Variants in CDH12 observed in about 807,000 individuals in gnomAD.
The protein encoded by CDH12 is cadherin 12.
CDH12 carries 41 observed loss-of-function variants against 74.1 expected under a neutral mutation model. The ratio of observed to expected loss-of-function variants is 0.55; its 90% CI spans 0.43 to 0.72. CDH12 has a LOEUF of 0.72. Ranked by LOEUF, CDH12 falls within the 30% of genes least tolerant of loss-of-function variation. The pLI is 0.00. For missense variants in CDH12, 945 were observed against 977.2 expected (o/e 0.97, Z 0.44); for synonymous variants, 399 against 355.0 (o/e 1.12, Z -1.39).
At chr5:22,839,135 T>C (rs898830372) in intron 1 of CDH12, among the ~76,000 whole-genome samples, 1 of 152,186 alleles carries the variant, frequency 6.6e-6, no homozygotes. Flanking sequence ...GCATAGATTT[T>C]TTTGTAGGAC....
chr5:21,979,159 C>T (rs1580059590), intron 5 of CDH12, among the ~76,000 whole-genome samples: 1 of 149,824 alleles, frequency 6.7e-6, no homozygotes, highest in Non-Finnish European at 1.5e-5. Context: ...CCATTTAAAA[C>T]TAACAGCTAG....
chr5:21,779,685 T>C (rs1055654254), intron 11 of CDH12, among the ~76,000 whole-genome samples: 1 of 152,228 alleles, frequency 6.6e-6, no homozygotes, highest in South Asian at 2.1e-4. Flanking sequence ...AAACATATGC[T>C]AGTTCAATTT....
chr5:21,856,571 G>A (rs928791512), intron 6 of CDH12, among the ~76,000 whole-genome samples: 3 of 151,456 alleles, frequency 2.0e-5, no homozygotes, highest in Non-Finnish European at 4.4e-5. Context: ...ATTTATAGTC[G>A]GGAAAATAAA....
chr5:22,492,648 G>A (rs986418069), intron 2 of CDH12, among the ~76,000 whole-genome samples: 9 of 151,998 alleles, frequency 5.9e-5, no homozygotes, highest in Admixed American at 1.3e-4. Context: ...CATCCAGCCT[G>A]ATTTTTCATT....
At chr5:22,112,510 G>T (rs1744873167) in intron 4 of CDH12, among the ~76,000 whole-genome samples, 2 of 152,042 alleles carry the variant, frequency 1.3e-5, no homozygotes, top group African/African-American at 4.8e-5. Context: ...AAACTAAAAG[G>T]TCAGTAGAGT....
At chr5:22,171,692 G>C (rs1749039740) in intron 4 of CDH12, among the ~76,000 whole-genome samples, 2 of 151,960 alleles carry the variant, frequency 1.3e-5, no homozygotes, top group Non-Finnish European at 2.9e-5. Flanking sequence ...GTAAGTGGTA[G>C]GGTCAGAACT....
chr5:22,621,481 GA>G (rs5866581), intron 1 of CDH12, among the ~76,000 whole-genome samples: 1 of 151,760 alleles, frequency 6.6e-6, no homozygotes, highest in Admixed American at 6.6e-5. Flanking sequence ...AAAAATCTTA[GA>G]AAAAAATTCT....
At chr5:21,942,907 G>A (rs1295302753) in intron 6 of CDH12, among the ~76,000 whole-genome samples, 1 of 152,148 alleles carries the variant, frequency 6.6e-6, no homozygotes, top group Non-Finnish European at 1.5e-5. Context: ...GCTCTGTGCT[G>A]TCACCCAAAT....
intron 8 of CDH12, among the ~76,000 whole-genome samples, chr5:21,820,616 AT>A (rs1432035779): frequency 6.6e-6 from 1 of 152,052 alleles, no homozygotes; most frequent in Non-Finnish European, 1.5e-5. Flanking sequence ...ACAGCTGGTA[AT>A]AAAGTCTGCA....
intron 4 of CDH12, among the ~76,000 whole-genome samples, chr5:22,085,025 GTAT>G (rs1742973209): frequency 6.6e-6 from 1 of 152,138 alleles, no homozygotes; most frequent in Admixed American, 6.6e-5. Context: ...GAAGTAGGTT[GTAT>G]TCCATATACC....
At chr5:22,559,176 G>A (rs1213862203) in intron 1 of CDH12, among the ~76,000 whole-genome samples, 1 of 152,012 alleles carries the variant, frequency 6.6e-6, no homozygotes, top group African/African-American at 2.4e-5. Flanking sequence ...GGGCAGAGAA[G>A]TAATTTACCC....
At chr5:21,825,487 C>G (rs1375337106) in intron 8 of CDH12, among the ~76,000 whole-genome samples, 1 of 152,176 alleles carries the variant, frequency 6.6e-6, no homozygotes, top group African/African-American at 2.4e-5. Context: ...GAGACACAAA[C>G]TGCTCATATT....
At chr5:22,064,046 C>T (rs896845125) in intron 5 of CDH12, among the ~76,000 whole-genome samples, 1 of 151,586 alleles carries the variant, frequency 6.6e-6, no homozygotes, top group Non-Finnish European at 1.5e-5. Flanking sequence ...CACAGTTGAC[C>T]ATTGAGCAAC....
At chr5:21,814,144 TG>T (rs1747910273) in intron 9 of CDH12, among the ~76,000 whole-genome samples, 1 of 10,302 alleles carries the variant, frequency 9.7e-5, no homozygotes, top group Non-Finnish European at 3.7e-4. Flanking sequence ...GAGAAATGAG[TG>T]TGTGTGTGTG....
chr5:22,053,395 A>T (rs1740521866), intron 5 of CDH12, among the ~76,000 whole-genome samples: 4 of 152,124 alleles, frequency 2.6e-5, no homozygotes. Flanking sequence ...TTTCACCAAC[A>T]GCCAGGTCTC....
At chr5:22,575,574 T>C (rs1459651879) in intron 1 of CDH12, among the ~76,000 whole-genome samples, 1 of 152,116 alleles carries the variant, frequency 6.6e-6, no homozygotes, top group African/African-American at 2.4e-5. Context: ...TTTATTTATT[T>C]ATTTATTTGA....
rs376965541 is a variant in CDH12, at chr5:21,940,366, C to T, written c.526+34725G>A. ...TGGGTGAGTCTACTTTTGTTTAAAA[C>T]GTGTTATTTTCATTTATTTTTGAGC... On this transcript the variant is annotated intron_variant, in intron 6 of 14. Coordinates refer to ENST00000382254, the MANE Select transcript of CDH12 (RefSeq NM_004061.5). Among the ~76,000 whole-genome samples the T allele has an allele frequency of 7.9e-5, 12 of 152,232 alleles. No homozygotes were observed. The South Asian group carries it at 1.0e-3, about 13-fold the overall frequency.
intron 1 of CDH12, among the ~76,000 whole-genome samples, chr5:22,749,486 A>T (rs1346734443): frequency 6.6e-6 from 1 of 152,206 alleles, no homozygotes; most frequent in Non-Finnish European, 1.5e-5. Context: ...TTTAAATGCT[A>T]CAAGAACGGG....
rs546528157 is a variant in CDH12, at chr5:22,640,044, G to GA, written c.-522-134681dup. ...CCATATGCAGGGAGAGGAGCAGAGA[G>GA]AAAAAATAAACAATAAAGAAAGTGG... On this transcript the variant is annotated intron_variant, in intron 1 of 14. Coordinates refer to ENST00000382254, the MANE Select transcript of CDH12 (RefSeq NM_004061.5). Among the ~76,000 whole-genome samples, 554 of 152,188 alleles carry GA rather than the reference G, an allele frequency of 3.6e-3. 1 individual carries two copies. The highest frequency in any genetic ancestry group is 0.01 in the African/African-American group (428 of 41,528).
Sources: allele counts gnomAD v4.1 joint callset (sites outside exome capture counted in the v4.1 genomes callset), GRCh38; gene constraint gnomAD v4.1.1; transcripts MANE v1.5; gene names NCBI Gene and HGNC (gene_info 2026-07-23, HGNC 2026-07-21).